The following GOLGA2 variants were observed in gnomAD, a reference collection of about 807,000 sequenced individuals.
GOLGA2 encodes golgin A2.
Under a neutral mutation model 148.8 loss-of-function variants are expected in GOLGA2, and 49 were observed. The observed-to-expected ratio is 0.33, with a 90% CI of 0.26 to 0.42. GOLGA2 has a LOEUF of 0.42. Ranked by LOEUF, GOLGA2 falls within the 10% of genes least tolerant of loss-of-function variation. GOLGA2 has a pLI of 1.00. For synonymous variants in GOLGA2, 501 were observed against 511.8 expected (o/e 0.98, Z 0.28); for missense variants, 1,178 against 1,304.6 (o/e 0.90, Z 1.49).
chr9:128,262,185 TAA>T (rs58232809), intron 14 of GOLGA2, among the ~76,000 whole-genome samples: 51 of 120,092 alleles, frequency 4.2e-4, no homozygotes, highest in Middle Eastern at 4.8e-3. Context: ...AGACCCCGTC[TAA>T]AAAAAAAAAA....
rs1829905411 is a variant in GOLGA2 at position 128,256,996 on chromosome 9, G to A, written c.*71C>T. 3 of 1,140,892 alleles carry A rather than the reference G, an allele frequency of 2.6e-6. No homozygotes were observed. Among genetic ancestry groups the A allele is most frequent in the African/African-American group, 3.1e-5 (2 of 65,276 alleles). The allele number at this position is 1,140,892 out of a possible 1,614,324, so 70.7% of individuals were successfully genotyped here. ...AAGGGTAAAGGGTTGACTGAGAAGGGATGGTAGGGATATGGTGGGGGCAGG... is the reference window on the plus strand; with the variant it reads ...AAGGGTAAAGGGTTGACTGAGAAGGAATGGTAGGGATATGGTGGGGGCAGG... On this transcript the variant is annotated 3_prime_UTR_variant, in exon 27 of 27. Coordinates refer to ENST00000611957, the MANE Select transcript of GOLGA2 (RefSeq NM_001366244.2).
rs1424890948 is a variant in GOLGA2 at position 128,261,250 on chromosome 9, A to G, written c.1342T>C (p.Leu448=). ...MQQMSEQVHT[L]REEKECSMSR... is the part of the protein sequence containing the mutation. The stretch of plus-strand genomic sequence containing the variant: ...ATGCTACATTCCTTCTCCTCTCTCA[A>G]TGTGTGCACCTGCCCAAAGCACAGC... Residue 448 remains leucine (L), a synonymous_variant, in exon 17 of 27, where the codon TTG becomes CTG. Transcript: ENST00000611957. The surrounding 1 kb of genome is among the most constrained non-coding windows in gnomAD (Gnocchi z 5.7). 1.1e-5 allele frequency: 18 copies of G among 1,612,522 alleles called. No homozygotes were observed. Among genetic ancestry groups the G allele is most frequent in the Non-Finnish European group, 1.7e-6 (2 of 1,178,852 alleles).
rs199949002 is a variant in GOLGA2 at position 128,267,512 on chromosome 9, C to A, written c.507G>T (p.Ala169=). 1.2e-6 allele frequency: 2 copies of A among 1,611,902 alleles called. No homozygotes were observed. Among genetic ancestry groups the A allele is most frequent in the Non-Finnish European group, 1.7e-6 (2 of 1,178,100 alleles). ...QQLNGLVCES[A]TCVNGEGPAS... ...CAGGGCCCTCCCCATTGACACATGT[C>A]GCAGACTATAAGAGACGAGAGTGCA... is the stretch of plus-strand genomic sequence containing the variant. The change falls in exon 7 of 27, where the codon GCG becomes GCT. Residue 169 remains alanine, a synonymous_variant. Transcript: ENST00000611957.
Position 128,258,555 on chromosome 9 carries a change from C to G in GOLGA2, c.2189G>C (p.Arg730Pro). The G allele has an allele frequency of 6.4e-7, 1 of 1,567,622 alleles. No individual in the cohort carries two copies. The highest frequency in any genetic ancestry group is 2.4e-5 in the East Asian group (1 of 42,394). Residue 730 changes from arginine to proline, a missense_variant, in exon 22 of 27, where the codon CGG (arginine) becomes CCG (proline). Physicochemically the swap from Arg to Pro is moderately radical, Grantham distance 103. Transcript: ENST00000611957. This position sits in a 1 kb window ranked among gnomAD's most constrained non-coding sequence, Gnocchi z 6.6. Reference sequence around the variant, plus strand: ...CTCCTCCTCATCCTCCTCCTCCTCCCGGTCCAGTCCATCTCCTATGGGGGT... The same window carrying G: ...CTCCTCCTCATCCTCCTCCTCCTCCGGGTCCAGTCCATCTCCTATGGGGGT... ...AHPGEGDGLDREEEEDEEEEE... is the reference protein window; with the variant it reads ...AHPGEGDGLDPEEEEDEEEEE...
rs1830149428 is a variant in GOLGA2 at position 128,260,014 on chromosome 9, C to T, written c.1872+62G>A. 1.2e-5 allele frequency: 14 copies of T among 1,210,364 alleles called. No individual in the cohort carries two copies. Among genetic ancestry groups the T allele is most frequent in the Non-Finnish European group, 1.7e-5 (14 of 823,710 alleles). The allele number at this position is 1,210,364 out of a possible 1,614,324, so 75.0% of individuals were successfully genotyped here. Reference sequence around the variant, plus strand: ...CAGGCTGGAGCTGCCTCTGGCCTCACACCACCCCTCCCCAGAGGCTGGTGC... The same window carrying T: ...CAGGCTGGAGCTGCCTCTGGCCTCATACCACCCCTCCCCAGAGGCTGGTGC... On this transcript the variant is annotated intron_variant, in intron 19 of 26. Transcript: ENST00000611957. This position sits in a 1 kb window ranked among gnomAD's most constrained non-coding sequence, Gnocchi z 4.8.
chr9:128,259,132 C>G (rs376341495), intron 20 of GOLGA2, 35 bp downstream of exon 20: 78 of 1,600,864 alleles, frequency 4.9e-5, no homozygotes, highest in Non-Finnish European at 6.3e-5. Flanking sequence ...GCCAGGTTGT[C>G]CCCCTCGGGG....
chr9:128,264,058 G>A (rs1232079703), intron 12 of GOLGA2, among the ~76,000 whole-genome samples: 3 of 149,856 alleles, frequency 2.0e-5, no homozygotes, highest in East Asian at 2.1e-4. Flanking sequence ...CCAGCTACTC[G>A]GGAGGCTGAG....
intron 3 of GOLGA2, 64 bp downstream of exon 3, chr9:128,272,721 G>A (rs1398415354): frequency 6.7e-6 from 3 of 449,236 alleles, no homozygotes; most frequent in Non-Finnish European, 1.1e-5. Flanking sequence ...CCAAACCAGA[G>A]AAGCCTCAGG....
At chr9:128,270,478 T>C (rs1254074143) in intron 3 of GOLGA2, among the ~76,000 whole-genome samples, 1 of 152,074 alleles carries the variant, frequency 6.6e-6, no homozygotes, top group Non-Finnish European at 1.5e-5. Flanking sequence ...AGCATGATTA[T>C]TTTGTGAGCA....
chr9:128,264,522 G>A (rs950412274), intron 12 of GOLGA2, among the ~76,000 whole-genome samples: 3 of 152,132 alleles, frequency 2.0e-5, no homozygotes, highest in African/African-American at 7.2e-5. Flanking sequence ...CCGCCCCCGG[G>A]TTCAAGCAAT....
At position 128,259,265 on chromosome 9, in the gene GOLGA2, G is replaced by A; in HGVS notation, c.1999C>T (p.Leu667=). The change falls in exon 20 of 27, where the codon CTA becomes TTA. Residue 667 remains leucine, a synonymous_variant. Coordinates refer to ENST00000611957, the MANE Select transcript of GOLGA2 (RefSeq NM_001366244.2). ...TCCACGAGCTGGGTCTGCAGCAGTA[G>A]CTGATTATGCAGCACCTCCTTCTCA... ...TSEKEVLHNQ[L]LLQTQLVDQL... is the part of the protein sequence containing the mutation. 1.9e-6 allele frequency: 3 copies of A among 1,610,594 alleles called. No individual in the cohort carries two copies. The highest frequency in any genetic ancestry group is 2.5e-6 in the Non-Finnish European group (3 of 1,178,660).
rs964183974 is a variant in GOLGA2 at position 128,257,369 on chromosome 9, C to T, written c.2875G>A (p.Asp959Asn). ...CACCCCTCCCGAGGGCTCTACTCAC[C>T]ACCCTGCTGGTTGGCAGCCCCAAGT... Reference protein sequence around the residue: ...QELGAANQQGDLCEVSLAGSV... With the variant: ...QELGAANQQGNLCEVSLAGSV... Residue 959 changes from aspartate to asparagine, a missense_variant and splice_region_variant, in exon 26 of 27, where the codon GAT becomes AAT. Coordinates refer to ENST00000611957, the MANE Select transcript of GOLGA2 (RefSeq NM_001366244.2). This position sits in a 1 kb window ranked among gnomAD's most constrained non-coding sequence, Gnocchi z 8.0. 5 of 1,613,014 alleles carry T rather than the reference C, an allele frequency of 3.1e-6. No homozygotes were observed. Among genetic ancestry groups the T allele is most frequent in the Non-Finnish European group, 4.2e-6 (5 of 1,180,004 alleles).
Position 128,258,637 on chromosome 9 carries a change from C to G in GOLGA2, c.2174-67G>C. 1 of 1,177,778 alleles carries G rather than the reference C, an allele frequency of 8.5e-7. No homozygotes were observed. 73.0% of individuals were successfully genotyped at this position (1,177,778 alleles called of 1,614,324 possible). A position where few individuals can be genotyped will look rare whatever the true frequency, so the allele number is the denominator to read the frequency against. On this transcript the variant is annotated intron_variant, in intron 21 of 26. Coordinates refer to ENST00000611957, the MANE Select transcript of GOLGA2 (RefSeq NM_001366244.2). This position sits in a 1 kb window ranked among gnomAD's most constrained non-coding sequence, Gnocchi z 6.6. The stretch of plus-strand genomic sequence containing the variant: ...GGTACAGTGGGCCCACCTCTGCCCC[C>G]ACCCTCACTGTGTAACCCTGGGCCA...
chr9:128,263,879 G>A (rs1047212901), intron 12 of GOLGA2, among the ~76,000 whole-genome samples: 5 of 151,580 alleles, frequency 3.3e-5, no homozygotes, highest in East Asian at 2.0e-4. Context: ...AAGGGTGGCC[G>A]GGTGCGGTGG....
Position 128,257,418 on chromosome 9 carries a change from A to G in GOLGA2, c.2826T>C (p.Thr942=), listed in dbSNP as rs1371649425. The G allele has an allele frequency of 6.2e-7, 1 of 1,612,830 alleles. No homozygotes were observed. The highest frequency in any genetic ancestry group is 1.3e-5 in the African/African-American group (1 of 74,836). ...AAAQNPADEP[T]SGAPAPQELG... is the part of the protein sequence containing the mutation. ...GTTCCTGGGGGGCTGGGGCCCCTGA[A>G]GTGGGCTCATCAGCAGGGTTCTGGG... The change falls in exon 26 of 27, where the codon ACT becomes ACC. Residue 942 remains threonine, a synonymous_variant. Coordinates refer to ENST00000611957, the MANE Select transcript of GOLGA2 (RefSeq NM_001366244.2). The surrounding 1 kb of genome is among the most constrained non-coding windows in gnomAD (Gnocchi z 8.0).
chr9:128,267,964 G>T lies in GOLGA2; in HGVS notation c.471C>A (p.Leu157=). The T allele has an allele frequency of 1.2e-6, 2 of 1,613,998 alleles. No homozygotes were observed. Among genetic ancestry groups the T allele is most frequent in the South Asian group, 2.2e-5 (2 of 91,072 alleles). The change falls in exon 6 of 27, where the codon CTC becomes CTA. Residue 157 remains leucine (L), a synonymous_variant. Coordinates refer to ENST00000611957, the MANE Select transcript of GOLGA2 (RefSeq NM_001366244.2). ...TFSSTESLRQ[L]SQQLNGLVCE... ...AAACAAGACCATTGAGCTGTTGGGAGAGTTGTCGCAGGCTCTCGGTTGATG... is the reference window on the plus strand; with the variant it reads ...AAACAAGACCATTGAGCTGTTGGGATAGTTGTCGCAGGCTCTCGGTTGATG...
intron 8 of GOLGA2, 151 bp downstream of exon 8, chr9:128,267,043 C>T: frequency 1.5e-6 from 1 of 689,358 alleles, no homozygotes; most frequent in Non-Finnish European, 2.6e-6. Flanking sequence ...ATGCTCCGTG[C>T]TCTGGGGTCC....
At position 128,268,495 on chromosome 9, in the gene GOLGA2, T is replaced by C. The variant is rs1225620990; in HGVS notation, c.318A>G (p.Gln106=). Residue 106 remains glutamine, a synonymous_variant, in exon 4 of 27, where the codon CAA becomes CAG. Coordinates refer to ENST00000611957, the MANE Select transcript of GOLGA2 (RefSeq NM_001366244.2). ...CAGGTAACACGGTGTCATCAGATGG[T>C]TGTAGAGTAGCAGCATTGTCCTTGG... ...KTPKDNAATL[Q]PSDDTVLPGG... 6 of 1,610,798 alleles carry C rather than the reference T, an allele frequency of 3.7e-6. No homozygotes were observed. Among genetic ancestry groups the C allele is most frequent in the Non-Finnish European group, 5.1e-6 (6 of 1,177,958 alleles).
rs575796216 is a variant in GOLGA2 at position 128,262,635 on chromosome 9, C to T, written c.1062G>A (p.Glu354=). The T allele has an allele frequency of 1.2e-6, 2 of 1,613,918 alleles. No individual in the cohort carries two copies. Among genetic ancestry groups the T allele is most frequent in the South Asian group, 2.2e-5 (2 of 91,074 alleles). ...CCAAGTTAAGCTGCATGCCAGCCTT[C>T]TCAGTCACTAGGACCCGAAGCTTCT... The part of the protein sequence containing the change: ...LEEKLRVLVT[E]KAGMQLNLEE... The change falls in exon 14 of 27, where the codon GAG becomes GAA. Residue 354 remains glutamate (E), a synonymous_variant. Coordinates refer to ENST00000611957, the MANE Select transcript of GOLGA2 (RefSeq NM_001366244.2).
Sources: allele counts gnomAD v4.1 joint callset (sites outside exome capture counted in the v4.1 genomes callset), GRCh38; gene constraint gnomAD v4.1.1; non-coding constraint Gnocchi (gnomAD v3.1); transcripts MANE v1.5; gene names NCBI Gene and HGNC (gene_info 2026-07-23, HGNC 2026-07-21).